Variants in MTUS2 observed in about 807,000 individuals in gnomAD.
MTUS2 encodes microtubule associated scaffold protein 2, also known as microtubule-associated tumor suppressor candidate 2.
Under a neutral mutation model 114.1 loss-of-function variants are expected in MTUS2, and 40 were observed. The observed-to-expected ratio is 0.35, with a 90% CI of 0.27 to 0.46. The LOEUF (loss-of-function observed/expected upper bound fraction) is 0.46, where lower values mean the gene tolerates loss of function less well. Ranked by LOEUF, MTUS2 falls within the 20% of genes least tolerant of loss-of-function variation. The pLI, the probability that MTUS2 is intolerant of heterozygous loss-of-function variation, is 1.00. For missense variants in MTUS2, 1,679 were observed against 1,705.4 expected (o/e 0.98, Z 0.27); for synonymous variants, 688 against 672.0 (o/e 1.02, Z -0.37).
In MTUS2 at chr13:29,128,353, A is replaced by G. The variant is rs1195208227; in HGVS notation, c.2644+27383A>G. On this transcript the variant is annotated intron_variant, in intron 5 of 15. Coordinates refer to ENST00000612955, the MANE Select transcript of MTUS2 (RefSeq NM_001033602.4). ...CAAAGGGAGTGGGTTAGAGAAGGTGAAACTCAAGGAGAGGAAACCGGTTAG... is the reference window on the plus strand; with the variant it reads ...CAAAGGGAGTGGGTTAGAGAAGGTGGAACTCAAGGAGAGGAAACCGGTTAG... Among the ~76,000 whole-genome samples the G allele has an allele frequency of 3.3e-5, 5 of 152,186 alleles. No homozygotes were observed. The South Asian group carries it at 1.0e-3, about 31-fold the overall frequency.
intron 5 of MTUS2, among the ~76,000 whole-genome samples, chr13:29,249,654 G>C (rs1482175778): frequency 1.3e-5 from 2 of 152,044 alleles, no homozygotes; most frequent in Non-Finnish European, 2.9e-5. Flanking sequence ...TTTTGATGGG[G>C]TTGTTTTTTC....
intron 4 of MTUS2, among the ~76,000 whole-genome samples, chr13:29,051,909 T>A (rs545242781): frequency 6.6e-6 from 1 of 152,274 alleles, no homozygotes; most frequent in East Asian, 1.9e-4. Flanking sequence ...AGCTCTTTCA[T>A]TATTCAGGAA....
At chr13:29,502,968 CTTAT>C (rs1181687122) in intron 15 of MTUS2, 21 bp from the exon 16 acceptor site, 5 of 1,610,402 alleles carry the variant, frequency 3.1e-6, no homozygotes, top group Non-Finnish European at 4.2e-6. Flanking sequence ...ATGATTGCTA[CTTAT>C]TTGTCATTGT....
intron 1 of MTUS2, among the ~76,000 whole-genome samples, chr13:28,826,294 TA>T: frequency 6.6e-6 from 1 of 152,306 alleles, no homozygotes; most frequent in Non-Finnish European, 1.5e-5. Context: ...AATGAATAGA[TA>T]AAAAATGATT....
rs370137472 is a variant in MTUS2, at chr13:29,480,289, C to T, written c.3324C>T (p.Phe1108=). Residue 1108 remains phenylalanine, a synonymous_variant, in exon 10 of 16, where the codon TTC becomes TTT. Coordinates refer to ENST00000612955, the MANE Select transcript of MTUS2 (RefSeq NM_001033602.4). This position sits in a 1 kb window ranked among gnomAD's most constrained non-coding sequence, Gnocchi z 4.4. ...QELEERLQLQ[F]EAEMARLQEE... is the part of the protein sequence containing the mutation. ...TGGAGGAGCGGCTGCAGCTGCAATT[C>T]GAGGCGGAAATGGCGCGCCTGCAGG... 1.5e-5 allele frequency: 23 copies of T among 1,555,302 alleles called. No homozygotes were observed. Among genetic ancestry groups the T allele is most frequent in the Middle Eastern group, 3.9e-4 (2 of 5,128 alleles).
At chr13:29,461,715 G>C (rs1347841053) in intron 9 of MTUS2, among the ~76,000 whole-genome samples, 1 of 152,162 alleles carries the variant, frequency 6.6e-6, no homozygotes, top group Non-Finnish European at 1.5e-5. Context: ...CTACCAGTGA[G>C]AATTTAATAT....
At position 28,881,148 on chromosome 13, in the gene MTUS2, C is replaced by T. The variant is rs548606874; in HGVS notation, c.-243+41298C>T. Among the ~76,000 whole-genome samples the T allele has an allele frequency of 4.6e-5, 7 of 152,240 alleles. No homozygotes were observed. The East Asian group carries it at 1.4e-3, about 29-fold the overall frequency. On this transcript the variant is annotated intron_variant, in intron 2 of 15. Transcript: ENST00000612955. ...CTGCCCCTGCCTCAACTTGGAGACC[C>T]CCAGTGTCTATCGTTGCCATTGTTA...
At chr13:29,383,248 G>GTATATATATATATATATATTTATT (rs1361530154) in intron 8 of MTUS2, among the ~76,000 whole-genome samples, 6 of 63,202 alleles carry the variant, frequency 9.5e-5, no homozygotes, top group East Asian at 1.3e-3. Context: ...GTGTGTGTGT[G>GTATATATATATATATATATTTATT]TGTGTATTTA....
At chr13:29,188,825 A>T (rs1395100566) in intron 5 of MTUS2, among the ~76,000 whole-genome samples, 1 of 152,180 alleles carries the variant, frequency 6.6e-6, no homozygotes, top group African/African-American at 2.4e-5. Context: ...AGTTACATGC[A>T]GTGAGGGACT....
intron 5 of MTUS2, among the ~76,000 whole-genome samples, chr13:29,106,807 G>C (rs1013107397): frequency 2.5e-4 from 38 of 151,990 alleles, no homozygotes; most frequent in African/African-American, 8.9e-4. Flanking sequence ...ATGGTCCTTG[G>C]TAATTTTCCC....
chr13:29,401,887 A>G (rs1874378243), intron 8 of MTUS2, among the ~76,000 whole-genome samples: 1 of 152,176 alleles, frequency 6.6e-6, no homozygotes, highest in African/African-American at 2.4e-5. Flanking sequence ...AGAAAAGCTC[A>G]TTGGGATTTA....
chr13:29,498,072 C>T (rs910008443), intron 13 of MTUS2, among the ~76,000 whole-genome samples: 1 of 152,156 alleles, frequency 6.6e-6, no homozygotes, highest in Non-Finnish European at 1.5e-5. Flanking sequence ...TCAAGTCGGC[C>T]GGGTGAATGT....
intron 4 of MTUS2, among the ~76,000 whole-genome samples, chr13:29,087,659 A>G (rs994325370): frequency 6.6e-6 from 1 of 152,132 alleles, no homozygotes; most frequent in Non-Finnish European, 1.5e-5. Context: ...TTAGCTGTTG[A>G]TGCTGGCCTC....
rs184220512 is a variant in MTUS2 at position 29,494,197 on chromosome 13, G to A, written c.3579+1478G>A. On this transcript the variant is annotated intron_variant, in intron 12 of 15. Coordinates refer to ENST00000612955, the MANE Select transcript of MTUS2 (RefSeq NM_001033602.4). Reference sequence around the variant, plus strand: ...GGAAATAACGTGTGAAAAGTGGATAGCCCTGGGTTGGCTTAGATCACTGCT... The same window carrying A: ...GGAAATAACGTGTGAAAAGTGGATAACCCTGGGTTGGCTTAGATCACTGCT... Among the ~76,000 whole-genome samples the A allele has an allele frequency of 2.6e-5, 4 of 152,368 alleles. No individual in the cohort carries two copies. The East Asian group carries it at 7.7e-4, about 29-fold the overall frequency.
intron 5 of MTUS2, among the ~76,000 whole-genome samples, chr13:29,108,746 A>G (rs1276481757): frequency 2.6e-5 from 4 of 152,196 alleles, no homozygotes; most frequent in Admixed American, 6.5e-5. Flanking sequence ...AGGGGGAAGT[A>G]TCCATGCATC....
rs1276068352 is a variant in MTUS2, at chr13:29,503,492, G to A, written c.*286G>A. ...AATGAACTTTCACTGCAGAATTTCA[G>A]GTTAGTTACAAAAAGCTCAGTTTTC... On this transcript the variant is annotated 3_prime_UTR_variant, in exon 16 of 16. Transcript: ENST00000612955. 1 of 544,082 alleles carries A rather than the reference G, an allele frequency of 1.8e-6. No individual in the cohort carries two copies. Among genetic ancestry groups the A allele is most frequent in the African/African-American group, 1.9e-5 (1 of 53,096 alleles). 33.7% of individuals were successfully genotyped at this position (544,082 alleles called of 1,614,324 possible).
chr13:29,484,505 G>A (rs759065656), intron 10 of MTUS2, among the ~76,000 whole-genome samples: 1 of 152,240 alleles, frequency 6.6e-6, no homozygotes, highest in Admixed American at 6.5e-5. Context: ...GGCTGCAGAG[G>A]GGCAAAGGCA....
intron 2 of MTUS2, among the ~76,000 whole-genome samples, chr13:28,878,802 G>A (rs1383103694): frequency 6.6e-6 from 1 of 152,114 alleles, no homozygotes; most frequent in Non-Finnish European, 1.5e-5. Flanking sequence ...ACATGTGCAC[G>A]TATCTTTATA....
In MTUS2 at chr13:29,359,214, C is replaced by T. The variant is rs1461970404; in HGVS notation, c.2906-48C>T. On this transcript the variant is annotated intron_variant, in intron 7 of 15. Coordinates refer to ENST00000612955, the MANE Select transcript of MTUS2 (RefSeq NM_001033602.4). Reference sequence around the variant, plus strand: ...ATAAGAAGCCGTTGTCACATGTGTACTGAGTGTTTTTTCACAGGTGACCGG... The same window carrying T: ...ATAAGAAGCCGTTGTCACATGTGTATTGAGTGTTTTTTCACAGGTGACCGG... 3 of 1,514,676 alleles carry T rather than the reference C, an allele frequency of 2.0e-6. No individual in the cohort carries two copies. In the East Asian group the frequency reaches 7.3e-5, roughly 37 times the overall value. The allele number at this position is 1,514,676 out of a possible 1,614,324, so 93.8% of individuals were successfully genotyped here.
Sources: allele counts gnomAD v4.1 joint callset (sites outside exome capture counted in the v4.1 genomes callset), GRCh38; gene constraint gnomAD v4.1.1; non-coding constraint Gnocchi (gnomAD v3.1); transcripts MANE v1.5; gene names NCBI Gene and HGNC (gene_info 2026-07-23, HGNC 2026-07-21).